Variants in RAD54B observed in about 807,000 individuals in gnomAD.
RAD54B encodes the protein DNA repair and recombination protein RAD54B.
Under a neutral mutation model 95.8 loss-of-function variants are expected in RAD54B, and 78 were observed. The ratio of observed to expected loss-of-function variants is 0.81; its 90% CI spans 0.68 to 0.98. The LOEUF (loss-of-function observed/expected upper bound fraction) is 0.98. Ranked by LOEUF, RAD54B falls within the 50% of genes least tolerant of loss-of-function variation. The pLI is 0.00. For synonymous variants in RAD54B, 328 were observed against 354.9 expected (o/e 0.92, Z 0.85); for missense variants, 957 against 1,056.6 (o/e 0.91, Z 1.31).
At chr8:94,392,883 C>A (rs1375455061) in intron 9 of RAD54B, among the ~76,000 whole-genome samples, 6 of 148,686 alleles carry the variant, frequency 4.0e-5, no homozygotes, top group African/African-American at 1.5e-4. Context: ...TGTCACCAGG[C>A]TAAAGTGCAG....
At chr8:94,436,275 G>A (rs1241687396) in intron 3 of RAD54B, among the ~76,000 whole-genome samples, 1 of 152,154 alleles carries the variant, frequency 6.6e-6, no homozygotes, top group Non-Finnish European at 1.5e-5. Context: ...AGAAACTACA[G>A]GAGGGAAGGG....
intron 6 of RAD54B, among the ~76,000 whole-genome samples, chr8:94,401,158 A>C (rs930506735): frequency 6.6e-6 from 1 of 152,226 alleles, no homozygotes; most frequent in Admixed American, 6.6e-5. Flanking sequence ...TATTACCAAA[A>C]TACATAAGTA....
chr8:94,468,930 G>C (rs1813098552), intron 1 of RAD54B, among the ~76,000 whole-genome samples: 1 of 151,966 alleles, frequency 6.6e-6, no homozygotes, highest in Admixed American at 6.6e-5. Flanking sequence ...TTCAAAACCA[G>C]TCTGGGCAAC....
chr8:94,393,971 G>A (rs1426225841), intron 8 of RAD54B, 89 bp from the exon 9 acceptor site: 2 of 1,226,274 alleles, frequency 1.6e-6, no homozygotes, highest in African/African-American at 1.5e-5. Flanking sequence ...TGGAAGTTTG[G>A]AGAAATTTAT....
chr8:94,437,278 T>C (rs1812291842), intron 3 of RAD54B, among the ~76,000 whole-genome samples: 1 of 152,210 alleles, frequency 6.6e-6, no homozygotes, highest in Admixed American at 6.5e-5. Context: ...ATCACTTTAA[T>C]AAAAACAAAA....
chr8:94,450,382 T>C (rs1267125042), intron 3 of RAD54B, among the ~76,000 whole-genome samples: 3 of 152,124 alleles, frequency 2.0e-5, no homozygotes, highest in South Asian at 2.1e-4. Flanking sequence ...TTGCAAAAGG[T>C]TGACATGATA....
chr8:94,400,062 A>G (rs966381420), intron 7 of RAD54B, among the ~76,000 whole-genome samples, 176 bp downstream of exon 7: 4 of 152,174 alleles, frequency 2.6e-5, no homozygotes, highest in Admixed American at 1.3e-4. Flanking sequence ...TAGGGTTTCA[A>G]CATATGAATC....
At chr8:94,443,525 C>CAA (rs74715328) in intron 3 of RAD54B, among the ~76,000 whole-genome samples, 2 of 141,192 alleles carry the variant, frequency 1.4e-5, no homozygotes, top group African/African-American at 2.6e-5. Flanking sequence ...ATGAAATTAT[C>CAA]AAAAAAAAAA....
chr8:94,377,484 C>T (rs1810610334), intron 14 of RAD54B, among the ~76,000 whole-genome samples: 2 of 133,036 alleles, frequency 1.5e-5, no homozygotes, highest in African/African-American at 5.7e-5. Flanking sequence ...TGCAGTGAGC[C>T]ATGATTGCAC....
chr8:94,451,611 T>C (rs1812657460), intron 3 of RAD54B, among the ~76,000 whole-genome samples: 1 of 152,170 alleles, frequency 6.6e-6, no homozygotes, highest in African/African-American at 2.4e-5. Context: ...ATGGGATAAA[T>C]TGACATCATG....
chr8:94,429,142 T>A (rs941258942), intron 3 of RAD54B: 1 of 972,296 alleles, frequency 1.0e-6, no homozygotes, highest in Non-Finnish European at 1.2e-6. Context: ...TTCTGGTGTT[T>A]AAAAATATGT....
intron 3 of RAD54B, among the ~76,000 whole-genome samples, chr8:94,454,827 G>C (rs923717440): frequency 5.3e-5 from 8 of 152,228 alleles, no homozygotes; most frequent in African/African-American, 1.9e-4. Flanking sequence ...AAACACAAAA[G>C]TCTAACTTAT....
intron 1 of RAD54B, among the ~76,000 whole-genome samples, chr8:94,469,519 C>T (rs774794500): frequency 8.5e-5 from 13 of 152,172 alleles, no homozygotes; most frequent in Admixed American, 2.0e-4. Context: ...CAGACTAATA[C>T]AAATGGTGTA....
At chr8:94,414,655 C>T (rs1811611408) in intron 3 of RAD54B, among the ~76,000 whole-genome samples, 1 of 152,062 alleles carries the variant, frequency 6.6e-6, no homozygotes, top group African/African-American at 2.4e-5. Flanking sequence ...ATTGAACCAG[C>T]CTTGCAGCAA....
At chr8:94,424,268 A>G (rs1165072427) in intron 3 of RAD54B, among the ~76,000 whole-genome samples, 1 of 152,230 alleles carries the variant, frequency 6.6e-6, no homozygotes, top group Non-Finnish European at 1.5e-5. Flanking sequence ...ATGACCCTAT[A>G]TAAGTTACTT....
At chr8:94,469,181 T>C (rs1813106876) in intron 1 of RAD54B, among the ~76,000 whole-genome samples, 1 of 151,828 alleles carries the variant, frequency 6.6e-6, no homozygotes, top group Non-Finnish European at 1.5e-5. Flanking sequence ...CAAGGGCTAT[T>C]GAAAAGAATT....
At chr8:94,381,031 C>G (rs992961723) in intron 11 of RAD54B, among the ~76,000 whole-genome samples, 1 of 152,142 alleles carries the variant, frequency 6.6e-6, no homozygotes, top group Admixed American at 6.5e-5. Context: ...GTGGCTTATG[C>G]CTGTAGCCCC....
chr8:94,387,237 A>G (rs1279865440), intron 10 of RAD54B, 78 bp from the exon 11 acceptor site: 2 of 1,221,216 alleles, frequency 1.6e-6, no homozygotes, highest in African/African-American at 1.5e-5. Context: ...AAATTATGGA[A>G]GGAAAAAGGT....
intron 3 of RAD54B, among the ~76,000 whole-genome samples, chr8:94,445,980 G>A (rs931295298): frequency 1.3e-5 from 2 of 152,130 alleles, no homozygotes; most frequent in Non-Finnish European, 2.9e-5. Context: ...TTGTAGACTT[G>A]AGATGGTAGG....
Sources: allele counts gnomAD v4.1 joint callset (sites outside exome capture counted in the v4.1 genomes callset), GRCh38; gene constraint gnomAD v4.1.1; transcripts MANE v1.5; gene names NCBI Gene and HGNC (gene_info 2026-07-23, HGNC 2026-07-21).